Variants in MED12L observed in about 807,000 individuals in gnomAD.
The protein encoded by MED12L is mediator of RNA polymerase II transcription subunit 12-like protein.
A neutral mutation model predicts 281.3 loss-of-function variants in MED12L; 60 were observed. The ratio of observed to expected loss-of-function variants is 0.21; its 90% confidence interval spans 0.17 to 0.26. The LOEUF (loss-of-function observed/expected upper bound fraction) is 0.26, where lower values mean the gene tolerates loss of function less well. MED12L is among the 10% of genes least tolerant of loss of function. The pLI is 1.00. For synonymous variants in MED12L, 974 were observed against 987.2 expected (o/e 0.99, Z 0.25); for missense variants, 2,146 against 2,680.9 (o/e 0.80, Z 4.41).
At chr3:151,330,670 T>C (rs1750247882) in intron 16 of MED12L, among the ~76,000 whole-genome samples, 1 of 152,196 alleles carries the variant, frequency 6.6e-6, no homozygotes, top group African/African-American at 2.4e-5. Flanking sequence ...CTTTGAATTC[T>C]GAGAAGAAAA....
intron 21 of MED12L, among the ~76,000 whole-genome samples, chr3:151,361,316 C>T (rs1215425935): frequency 2.0e-5 from 3 of 151,972 alleles, no homozygotes; most frequent in South Asian, 2.1e-4. Flanking sequence ...GACCAGTACC[C>T]TCACTGAATA....
intron 42 of MED12L, among the ~76,000 whole-genome samples, chr3:151,415,179 A>G (rs1434551839): frequency 2.6e-5 from 4 of 152,214 alleles, no homozygotes; most frequent in African/African-American, 7.2e-5. Flanking sequence ...ATTAGACCAT[A>G]TGTACTTTTT....
At chr3:151,218,549 T>A (rs1458883505) in intron 16 of MED12L, among the ~76,000 whole-genome samples, 4 of 152,056 alleles carry the variant, frequency 2.6e-5, no homozygotes, top group Non-Finnish European at 5.9e-5. Context: ...TAAGAAAGAT[T>A]CATATATATA....
rs752812007 is a variant in MED12L at position 151,390,155 on chromosome 3, A to T, written c.5608+20A>T. On this transcript the variant is annotated intron_variant, in intron 38 of 44. Transcript: ENST00000687756. ...CTCCAGGTATGTGATGAGAAAGCAC[A>T]GATCACTCAGAGATGAGAAACAGCT... 1.2e-5 allele frequency: 19 copies of T among 1,612,516 alleles called. No individual in the cohort carries two copies. Among genetic ancestry groups the T allele is most frequent in the Non-Finnish European group, 1.6e-5 (19 of 1,178,726 alleles).
At chr3:151,186,348 G>A (rs1215832072) in intron 12 of MED12L, among the ~76,000 whole-genome samples, 2 of 152,038 alleles carry the variant, frequency 1.3e-5, no homozygotes, top group Non-Finnish European at 2.9e-5. Flanking sequence ...CACAGCAACT[G>A]CCGATCTTTT....
chr3:151,177,717 T>C (rs1016222795), intron 11 of MED12L, among the ~76,000 whole-genome samples: 1 of 152,050 alleles, frequency 6.6e-6, no homozygotes, highest in Non-Finnish European at 1.5e-5. Flanking sequence ...GATCTTGAAC[T>C]CCTGGCCTCA....
At position 151,122,869 on chromosome 3, in the gene MED12L, T is replaced by C. The variant is rs1347089291; in HGVS notation, c.291T>C (p.Asn97=). 1 of 1,612,746 alleles carries C rather than the reference T, an allele frequency of 6.2e-7. No homozygotes were observed. The highest frequency in any genetic ancestry group is 8.5e-7 in the Non-Finnish European group (1 of 1,179,428). The part of the protein sequence containing the change: ...QDTGKKKPQV[N]AKDNYWLVTA... ...CGGGAAAGAAGAAACCACAAGTTAA[T>C]GCTAAAGATAATTATTGGCTGGTTA... Residue 97 remains asparagine, a synonymous_variant, in exon 4 of 45, where the codon AAT becomes AAC. Transcript: ENST00000687756.
In MED12L at chr3:151,197,005, C is replaced by T. The variant is rs535865436; in HGVS notation, c.2250+3339C>T. Among the ~76,000 whole-genome samples, 6 of 152,258 alleles carry T rather than the reference C, an allele frequency of 3.9e-5. No individual in the cohort carries two copies. In the East Asian group the frequency reaches 1.2e-3, roughly 29 times the overall value. On this transcript the variant is annotated intron_variant, in intron 16 of 44. Coordinates refer to ENST00000687756, the MANE Select transcript of MED12L (RefSeq NM_001393769.1). ...ACTAATGAAATAAAAAACACAAAGT[C>T]ATCATGTATGCTTATCTAAATTTTT...
intron 38 of MED12L, among the ~76,000 whole-genome samples, chr3:151,391,022 A>G (rs147694739): frequency 2.0e-5 from 3 of 152,328 alleles, no homozygotes; most frequent in Non-Finnish European, 2.9e-5. Flanking sequence ...TGTAAAATGA[A>G]TATGCTAATA....
chr3:151,176,450 C>T (rs1205872028), intron 11 of MED12L, among the ~76,000 whole-genome samples: 1 of 152,090 alleles, frequency 6.6e-6, no homozygotes, highest in Non-Finnish European at 1.5e-5. Context: ...CATATATGAA[C>T]ACTTAACTAT....
intron 43 of MED12L, among the ~76,000 whole-genome samples, chr3:151,417,218 C>T (rs894733344): frequency 4.6e-5 from 7 of 152,078 alleles, no homozygotes; most frequent in Non-Finnish European, 7.4e-5. Context: ...GCTGGCTGAC[C>T]GCTCATGTCT....
At position 151,430,440 on chromosome 3, in the gene MED12L, G is replaced by A. The variant is rs181589390; in HGVS notation, c.6490+60G>A. 1,300 of 1,604,626 alleles carry A rather than the reference G, an allele frequency of 8.1e-4. 16 individuals carry two copies. In the African/African-American group the frequency reaches 0.015, roughly 19 times the overall value. On this transcript the variant is annotated intron_variant, in intron 44 of 44. Coordinates refer to ENST00000687756, the MANE Select transcript of MED12L (RefSeq NM_001393769.1). ...CCCGGAAAATTAAAAATAAGCCAGC[G>A]AAACGTAAAGTGGCGGCTCTCCCAA...
intron 16 of MED12L, among the ~76,000 whole-genome samples, chr3:151,245,845 C>T (rs1260114444): frequency 1.1e-4 from 16 of 150,870 alleles, no homozygotes; most frequent in Middle Eastern, 3.4e-3. Flanking sequence ...TGTTTGCAGA[C>T]GACATGATTG....
At chr3:151,328,730 C>G (rs1379145180) in intron 16 of MED12L, 1 of 1,613,934 alleles carries the variant, frequency 6.2e-7, no homozygotes, top group Admixed American at 1.7e-5. Context: ...TCTGAGCTGC[C>G]AGGGTGCCAG....
intron 16 of MED12L, among the ~76,000 whole-genome samples, chr3:151,300,411 T>C (rs1745741630): frequency 6.6e-6 from 1 of 152,162 alleles, no homozygotes; most frequent in Non-Finnish European, 1.5e-5. Context: ...TACCTTAACA[T>C]TTCTGAGCTT....
At chr3:151,086,174 G>C (rs1719150582) in intron 1 of MED12L, among the ~76,000 whole-genome samples, 1 of 152,156 alleles carries the variant, frequency 6.6e-6, no homozygotes, top group African/African-American at 2.4e-5. Context: ...CTCGGCGCCT[G>C]CCCGGAGCCG....
chr3:151,096,225 G>A (rs569544322), intron 2 of MED12L, among the ~76,000 whole-genome samples: 1 of 152,266 alleles, frequency 6.6e-6, no homozygotes, highest in East Asian at 1.9e-4. Flanking sequence ...ACTTCTCCTT[G>A]GACTTCTTGT....
chr3:151,281,245 A>AG (rs1360949571), intron 16 of MED12L, among the ~76,000 whole-genome samples: 1 of 148,382 alleles, frequency 6.7e-6, no homozygotes, highest in Non-Finnish European at 1.5e-5. Flanking sequence ...AAAAAAAAAA[A>AG]AAAAAAAAAA....
intron 16 of MED12L, among the ~76,000 whole-genome samples, chr3:151,265,834 C>T (rs573969964): frequency 1.3e-5 from 2 of 152,256 alleles, no homozygotes; most frequent in Non-Finnish European, 2.9e-5. Context: ...AAAGTCAGAA[C>T]ACCTATGAAA....
Sources: allele counts gnomAD v4.1 joint callset (sites outside exome capture counted in the v4.1 genomes callset), GRCh38; gene constraint gnomAD v4.1.1; transcripts MANE v1.5; gene names NCBI Gene and HGNC (gene_info 2026-07-23, HGNC 2026-07-21).